ADAMTS19: variants seen among roughly 807,000 people sequenced by gnomAD.
ADAMTS19 encodes ADAM metallopeptidase with thrombospondin type 1 motif 19.
Under a neutral mutation model 153.3 loss-of-function variants are expected in ADAMTS19, and 93 were observed. That is an observed-to-expected ratio of 0.61 (90% CI 0.51 to 0.72). ADAMTS19 has a LOEUF of 0.72. ADAMTS19 is among the 30% of genes least tolerant of loss of function. ADAMTS19 has a pLI of 0.00. For synonymous variants in ADAMTS19, 600 were observed against 556.6 expected, an observed-to-expected ratio of 1.08 and a Z score of -1.10; for missense variants, 1,482 against 1,552.1, an observed-to-expected ratio of 0.95 and a Z score of 0.76.
chr5:129,511,912 G>T (rs1349100515), intron 3 of ADAMTS19, among the ~76,000 whole-genome samples: 1 of 151,954 alleles, frequency 6.6e-6, no homozygotes, highest in African/African-American at 2.4e-5. Context: ...AGTTTTTAGT[G>T]CATGCTGTTA....
intron 2 of ADAMTS19, among the ~76,000 whole-genome samples, chr5:129,487,120 A>G (rs1469449446): frequency 6.6e-6 from 1 of 152,236 alleles, no homozygotes; most frequent in Non-Finnish European, 1.5e-5. Context: ...AGAGGTAACC[A>G]AAACAGAATA....
At chr5:129,522,316 T>TACACACACACACACACACACACAC (rs1186259435) in intron 3 of ADAMTS19, among the ~76,000 whole-genome samples, 1 of 91,968 alleles carries the variant, frequency 1.1e-5, no homozygotes, top group African/African-American at 4.7e-5. Context: ...TATATATATA[T>TACACACACACACACACACACACAC]ACACACACAC....
chr5:129,712,408 A>G (rs561177933), intron 21 of ADAMTS19, among the ~76,000 whole-genome samples: 2 of 152,312 alleles, frequency 1.3e-5, no homozygotes, highest in South Asian at 4.1e-4. Flanking sequence ...TTAGTCAGTA[A>G]TAAGTAGGAT....
chr5:129,624,044 G>A (rs984321415), intron 10 of ADAMTS19, among the ~76,000 whole-genome samples: 6 of 145,822 alleles, frequency 4.1e-5, no homozygotes, highest in East Asian at 2.2e-4. Flanking sequence ...GGAGAATGGT[G>A]TGAACCTGGG....
rs965621675 is a variant in ADAMTS19 at position 129,555,980 on chromosome 5, T to A, written c.1372+4073T>A. ...GCTGAGTCAAAAGGTTTGTGCATTT[T>A]AAATGAGTTAGGCTATGTTAATGTT... On this transcript the variant is annotated intron_variant, in intron 7 of 22. Transcript: ENST00000274487. 5.5e-4 allele frequency among the ~76,000 whole-genome samples: 84 copies of A among 152,194 alleles called. 1 individual carries two copies. The highest frequency in any genetic ancestry group is 1.8e-3 in the African/African-American group (74 of 41,456).
Position 129,533,557 on chromosome 5 carries a change from T to C in ADAMTS19, c.1328+4880T>C, listed in dbSNP as rs191245488. On this transcript the variant is annotated intron_variant, in intron 6 of 22. Transcript: ENST00000274487. ...TTCAAAAACCCAGCTCCTGGATTCA[T>C]TGATTTTTTGAAGGATTTTTTTGAG... Among the ~76,000 whole-genome samples the C allele has an allele frequency of 2.3e-3, 355 of 152,286 alleles. 4 individuals carry two copies. The highest frequency in any genetic ancestry group is 5.1e-4 in the Non-Finnish European group (35 of 68,016).
chr5:129,726,438 T>C (rs1036823864), intron 21 of ADAMTS19, among the ~76,000 whole-genome samples: 2 of 152,186 alleles, frequency 1.3e-5, no homozygotes, highest in Non-Finnish European at 2.9e-5. Context: ...AGTGGAACTC[T>C]ATAGTGTGTC....
chr5:129,606,759 C>G (rs914312460), intron 8 of ADAMTS19, among the ~76,000 whole-genome samples: 2 of 152,068 alleles, frequency 1.3e-5, no homozygotes, highest in Admixed American at 6.6e-5. Flanking sequence ...AAACATCATG[C>G]CTTTATTCAT....
At chr5:129,642,328 T>C (rs25823) in intron 11 of ADAMTS19, among the ~76,000 whole-genome samples, 28,900 of 151,952 alleles carry the variant, frequency 0.19, 3,265 homozygotes, top group East Asian at 0.34. Context: ...TCTTTTCAAG[T>C]ATAAAATAAT....
At chr5:129,465,313 T>G (rs1250637626) in intron 2 of ADAMTS19, among the ~76,000 whole-genome samples, 2 of 152,010 alleles carry the variant, frequency 1.3e-5, no homozygotes, top group Non-Finnish European at 2.9e-5. Flanking sequence ...AATGTTTTTT[T>G]TTTTTTTTTT....
At chr5:129,548,734 C>T (rs10051157) in intron 6 of ADAMTS19, among the ~76,000 whole-genome samples, 37,329 of 151,506 alleles carry the variant, frequency 0.25, 4,942 homozygotes, top group African/African-American at 0.33. Flanking sequence ...CACGTATGTT[C>T]ATTGCAGCAC....
chr5:129,500,641 A>G (rs1751068722), intron 2 of ADAMTS19: 1 of 152,166 alleles, frequency 6.6e-6, no homozygotes, highest in Non-Finnish European at 1.5e-5. Flanking sequence ...ACAAGTAATC[A>G]ACATAAAGCT....
intron 3 of ADAMTS19, among the ~76,000 whole-genome samples, chr5:129,521,264 T>G (rs1751787971): frequency 6.6e-6 from 1 of 152,136 alleles, no homozygotes; most frequent in Admixed American, 6.5e-5. Flanking sequence ...AGCAAAATTT[T>G]TACCGAGAGC....
At chr5:129,521,847 T>G (rs1174067722) in intron 3 of ADAMTS19, among the ~76,000 whole-genome samples, 1 of 151,986 alleles carries the variant, frequency 6.6e-6, no homozygotes, top group Non-Finnish European at 1.5e-5. Flanking sequence ...AGTGGTTGAG[T>G]GGGGATGTGG....
intron 10 of ADAMTS19, among the ~76,000 whole-genome samples, chr5:129,639,799 A>G (rs1752712715): frequency 6.6e-6 from 1 of 152,218 alleles, no homozygotes; most frequent in Admixed American, 6.5e-5. Context: ...AGAAAAATCA[A>G]CATTTGACCC....
intron 3 of ADAMTS19, among the ~76,000 whole-genome samples, chr5:129,522,309 A>C (rs1751840822): frequency 1.0e-5 from 1 of 98,862 alleles, no homozygotes; most frequent in Admixed American, 1.1e-4. Context: ...GTATATATAT[A>C]TATATATACA....
At chr5:129,595,771 T>A (rs1296016823) in intron 7 of ADAMTS19, among the ~76,000 whole-genome samples, 1 of 152,124 alleles carries the variant, frequency 6.6e-6, no homozygotes, top group African/African-American at 2.4e-5. Context: ...GATAACTTGT[T>A]ATTTGAAAAT....
At chr5:129,477,915 A>G (rs866828880) in intron 2 of ADAMTS19, among the ~76,000 whole-genome samples, 2 of 152,178 alleles carry the variant, frequency 1.3e-5, no homozygotes, top group Admixed American at 6.5e-5. Context: ...TACACATTCA[A>G]CCATGTGTTC....
chr5:129,647,833 G>T lies in ADAMTS19; in HGVS notation c.1941G>T (p.Leu647=). The T allele has an allele frequency of 6.2e-7, 1 of 1,614,130 alleles. No individual in the cohort carries two copies. Among genetic ancestry groups the T allele is most frequent in the Non-Finnish European group, 8.5e-7 (1 of 1,179,992 alleles). The part of the protein sequence containing the change: ...APEHLAGEWS[L]WSPCSRTCSA... Reference sequence around the variant, plus strand: ...AACATCTGGCCGGAGAGTGGAGCCTGTGGAGTCCTTGTAGCCGAACCTGCA... The same window carrying T: ...AACATCTGGCCGGAGAGTGGAGCCTTTGGAGTCCTTGTAGCCGAACCTGCA... The change falls in exon 12 of 23, where the codon CTG becomes CTT. Residue 647 remains leucine, a synonymous_variant. Transcript: ENST00000274487.
Sources: gnomAD v4.1 joint callset for allele counts (sites outside exome capture counted in the v4.1 genomes callset) on GRCh38, gnomAD v4.1.1 for gene constraint, MANE v1.5 for transcripts, NCBI Gene and HGNC (gene_info 2026-07-23, HGNC 2026-07-21) for gene names.